Variants in TMA7B observed in about 807,000 individuals in gnomAD.
TMA7B encodes the protein translation machinery-associated protein 7B.
chr22:39,964,745 G>A, the TMA7B span: 12 of 482,746 alleles, frequency 2.5e-5, no homozygotes, highest in Non-Finnish European at 4.0e-5. Flanking sequence ...TCTTCCAGTG[G>A]CTCATCATCT....
At chr22:39,961,285 G>C in the TMA7B span, among the ~76,000 whole-genome samples, 1 of 151,886 alleles carries the variant, frequency 6.6e-6, no homozygotes, top group South Asian at 2.1e-4. Context: ...ACTCACTCAG[G>C]GGGAGAAAGA....
the TMA7B span, chr22:39,964,309 A>G: frequency 1.5e-6 from 1 of 679,684 alleles, no homozygotes; most frequent in Middle Eastern, 3.8e-4. Flanking sequence ...GACTGGCAAC[A>G]AAAGGTGCTG....
the TMA7B span, among the ~76,000 whole-genome samples, chr22:39,962,689 GCT>G: frequency 6.6e-6 from 1 of 151,688 alleles, no homozygotes; most frequent in African/African-American, 2.4e-5. Flanking sequence ...ACAGACTCTC[GCT>G]CTGTCGCCCA....
the TMA7B span, among the ~76,000 whole-genome samples, chr22:39,963,276 T>C: frequency 6.6e-6 from 1 of 152,188 alleles, no homozygotes; most frequent in Non-Finnish European, 1.5e-5. Flanking sequence ...TCGCATCCTT[T>C]CCTTTGTTCC....
the TMA7B span, chr22:39,964,364 C>T: frequency 9.7e-6 from 7 of 718,918 alleles, no homozygotes; most frequent in South Asian, 2.9e-5. Flanking sequence ...GGGGAAGGGG[C>T]GGCAGGCGCC....
the TMA7B span, chr22:39,960,407 C>T: frequency 4.2e-6 from 2 of 474,984 alleles, no homozygotes; most frequent in South Asian, 6.5e-5. Flanking sequence ...CGCCCATCTG[C>T]CTCCCCTTCT....
the TMA7B span, among the ~76,000 whole-genome samples, chr22:39,961,392 A>C: frequency 6.6e-6 from 1 of 152,210 alleles, no homozygotes; most frequent in South Asian, 2.1e-4. Context: ...CGAAGCACTC[A>C]GCATGCCAAG....
the TMA7B span, among the ~76,000 whole-genome samples, chr22:39,962,244 G>A: frequency 6.6e-6 from 1 of 152,118 alleles, no homozygotes. Flanking sequence ...GGCAACTAGT[G>A]AGACCTCATC....
the TMA7B span, chr22:39,964,291 T>A: frequency 3.0e-6 from 2 of 657,150 alleles, no homozygotes; most frequent in East Asian, 5.4e-5. Context: ...CCATCACTTG[T>A]GAGTCCAGAC....
At chr22:39,964,631 T>C in the TMA7B span, 2 of 657,932 alleles carry the variant, frequency 3.0e-6, no homozygotes, top group South Asian at 3.6e-5. Flanking sequence ...AACCTCTCTA[T>C]TCCCTCCTAT....
the TMA7B span, among the ~76,000 whole-genome samples, chr22:39,962,587 G>A: frequency 6.6e-6 from 1 of 152,068 alleles, no homozygotes; most frequent in Admixed American, 6.6e-5. Flanking sequence ...GTTAGACTGA[G>A]GGGTATCTCT....
chr22:39,963,743 C>T, the TMA7B span, among the ~76,000 whole-genome samples: 1 of 152,200 alleles, frequency 6.6e-6, no homozygotes, highest in Non-Finnish European at 1.5e-5. Context: ...CATGGTCAGG[C>T]GCAGTGGCTC....
At chr22:39,963,010 A>G in the TMA7B span, among the ~76,000 whole-genome samples, 6 of 152,160 alleles carry the variant, frequency 3.9e-5, no homozygotes, top group African/African-American at 1.4e-4. Flanking sequence ...AGTGAGTTCT[A>G]CAAAACAGTA....
chr22:39,963,229 G>C, the TMA7B span, among the ~76,000 whole-genome samples: 1 of 152,110 alleles, frequency 6.6e-6, no homozygotes, highest in Non-Finnish European at 1.5e-5. Context: ...TTTGTTAAGG[G>C]CCTGAAACAC....
the TMA7B span, chr22:39,964,594 G>A: frequency 1.2e-5 from 9 of 769,854 alleles, no homozygotes; most frequent in African/African-American, 8.6e-5. Flanking sequence ...CTAAGGAGAC[G>A]GTGACCCTTT....
At chr22:39,964,497 G>T in the TMA7B span, 1 of 1,035,334 alleles carries the variant, frequency 9.7e-7, no homozygotes. Flanking sequence ...AGAAACTCGA[G>T]GTGCTAAAAG....
At chr22:39,963,021 G>C in the TMA7B span, among the ~76,000 whole-genome samples, 1 of 152,136 alleles carries the variant, frequency 6.6e-6, no homozygotes, top group African/African-American at 2.4e-5. Context: ...CAAAACAGTA[G>C]GCCTTGACTT....
chr22:39,960,488 A>G, the TMA7B span: 1 of 275,638 alleles, frequency 3.6e-6, no homozygotes, highest in Non-Finnish European at 7.0e-6. Flanking sequence ...TGTCTTGCAT[A>G]AAAGAGAGAC....
At chr22:39,964,702 G>C in the TMA7B span, 74 of 265,146 alleles carry the variant, frequency 2.8e-4, no homozygotes, top group Non-Finnish European at 2.6e-4. Context: ...GTACATTTAA[G>C]AATAAACTTT....
Sources: gnomAD v4.1 joint callset for allele counts (sites outside exome capture counted in the v4.1 genomes callset) on GRCh38, gnomAD v4.1.1 for gene constraint, MANE v1.5 for transcripts, NCBI Gene and HGNC (gene_info 2026-07-23, HGNC 2026-07-21) for gene names.